The following VWDE variants were observed in gnomAD, a reference collection of about 807,000 sequenced individuals.
The protein encoded by VWDE is von Willebrand factor D and EGF domain-containing protein.
In VWDE, 207 loss-of-function variants were observed where a neutral mutation model predicts 178.4. That is an observed-to-expected ratio of 1.16 (90% CI 1.04 to 1.30). The LOEUF is 1.30. Among genes scored for constraint, VWDE ranks in the 50% most tolerant of loss-of-function variants. VWDE has a pLI of 0.00. For missense variants in VWDE, 2,287 were observed against 1,901.3 expected (o/e 1.20, Z -3.77); for synonymous variants, 738 against 651.4 (o/e 1.13, Z -2.02).
At chr7:12,333,794 C>A (rs1319792255) in intron 27 of VWDE, 1 of 350,348 alleles carries the variant, frequency 2.9e-6, no homozygotes, top group Non-Finnish European at 5.1e-6. Flanking sequence ...TTTTGGAATT[C>A]TATAAAGATA....
At chr7:12,398,687 T>G (rs145499033) in intron 1 of VWDE, among the ~76,000 whole-genome samples, 21 of 152,234 alleles carry the variant, frequency 1.4e-4, no homozygotes, top group African/African-American at 4.8e-4. Context: ...CAGTAATACA[T>G]ATACACCATG....
chr7:12,360,046 C>A (rs952460514), intron 15 of VWDE, among the ~76,000 whole-genome samples: 2 of 151,642 alleles, frequency 1.3e-5, no homozygotes, highest in African/African-American at 4.8e-5. Context: ...TCTTTTTTTT[C>A]CTCCACAATT....
intron 1 of VWDE, among the ~76,000 whole-genome samples, chr7:12,398,365 C>A (rs1376969001): frequency 1.3e-5 from 2 of 152,148 alleles, no homozygotes; most frequent in African/African-American, 4.8e-5. Flanking sequence ...TATCAAGGAA[C>A]TGAAACTTAC....
chr7:12,383,637 G>A, intron 3 of VWDE, 36 bp from the exon 4 acceptor site: 1 of 1,520,602 alleles, frequency 6.6e-7, no homozygotes, highest in South Asian at 1.2e-5. Context: ...TTATTCAGCT[G>A]GGCATGAAGA....
intron 28 of VWDE, among the ~76,000 whole-genome samples, chr7:12,332,755 A>C (rs80002987): frequency 0.019 from 2,835 of 152,264 alleles, 81 homozygotes; most frequent in African/African-American, 0.064. Flanking sequence ...GGAGAAAACT[A>C]TACATATATC....
chr7:12,338,516 C>T (rs1045232857), intron 24 of VWDE, among the ~76,000 whole-genome samples: 3 of 152,000 alleles, frequency 2.0e-5, no homozygotes, highest in African/African-American at 7.2e-5. Context: ...TATAATTAAT[C>T]ATCCACAAAA....
At chr7:12,389,450 T>G (rs1268576419) in intron 2 of VWDE, 92 bp from the exon 3 acceptor site, 1 of 890,452 alleles carries the variant, frequency 1.1e-6, no homozygotes, top group Non-Finnish European at 1.7e-6. Context: ...AATCAAGCCT[T>G]AAAATATCAT....
At chr7:12,331,801 C>G (rs773619437) in intron 28 of VWDE, among the ~76,000 whole-genome samples, 9 of 152,112 alleles carry the variant, frequency 5.9e-5, no homozygotes, top group Non-Finnish European at 1.2e-4. Context: ...AGTGAGTGCA[C>G]TCAGCCACAA....
At chr7:12,396,274 A>G (rs977609552) in intron 1 of VWDE, among the ~76,000 whole-genome samples, 4 of 152,200 alleles carry the variant, frequency 2.6e-5, no homozygotes, top group African/African-American at 9.6e-5. Flanking sequence ...GACCAAGACT[A>G]GAATTCTCCA....
At chr7:12,382,396 CTTAA>C (rs1005182118) in intron 4 of VWDE, among the ~76,000 whole-genome samples, 4 of 150,986 alleles carry the variant, frequency 2.6e-5, no homozygotes, top group Admixed American at 6.6e-5. Flanking sequence ...AATCACAGGG[CTTAA>C]TTAAACTGAC....
intron 3 of VWDE, among the ~76,000 whole-genome samples, chr7:12,384,386 G>A (rs1783997830): frequency 6.6e-6 from 1 of 151,942 alleles, no homozygotes; most frequent in Non-Finnish European, 1.5e-5. Flanking sequence ...CAATTTTTAG[G>A]GTAGTGAAAC....
chr7:12,359,544 T>C (rs906395220), intron 16 of VWDE, 34 bp downstream of exon 16: 37 of 1,388,266 alleles, frequency 2.7e-5, no homozygotes, highest in Non-Finnish European at 3.4e-5. Flanking sequence ...ATGTCTTGTA[T>C]AGGAAATATT....
intron 1 of VWDE, among the ~76,000 whole-genome samples, chr7:12,402,222 T>A (rs748678551): frequency 2.0e-5 from 3 of 152,226 alleles, no homozygotes; most frequent in Non-Finnish European, 4.4e-5. Context: ...TGTTCTAAAA[T>A]TGACTGTGGT....
At position 12,357,424 on chromosome 7, in the gene VWDE, T is replaced by C; in HGVS notation, c.3366A>G (p.Pro1122=). The part of the protein sequence containing the change: ...NFEYQFVAFD[P]EGSDIHFTLD... ...ACGTAAAATGGATGTCAGAACCTTC[T>C]GGATCGAAGGCCACGAACTGATACT... Residue 1122 remains proline (P), a synonymous_variant, in exon 17 of 29, where the codon CCA becomes CCG. Coordinates refer to ENST00000275358, the MANE Select transcript of VWDE (RefSeq NM_001135924.3). 1 of 1,552,010 alleles carries C rather than the reference T, an allele frequency of 6.4e-7. No individual in the cohort carries two copies. Among genetic ancestry groups the C allele is most frequent in the Non-Finnish European group, 8.7e-7 (1 of 1,147,074 alleles).
chr7:12,396,638 T>C (rs1466450447), intron 1 of VWDE, among the ~76,000 whole-genome samples: 1 of 152,088 alleles, frequency 6.6e-6, no homozygotes, highest in Non-Finnish European at 1.5e-5. Flanking sequence ...CCAGATGTGG[T>C]GACTCACGCC....
At chr7:12,399,584 T>C (rs930842408) in intron 1 of VWDE, among the ~76,000 whole-genome samples, 1 of 152,180 alleles carries the variant, frequency 6.6e-6, no homozygotes, top group African/African-American at 2.4e-5. Flanking sequence ...CAGACATCTA[T>C]AAACACTATT....
At chr7:12,391,222 G>C (rs1784375087) in intron 2 of VWDE, among the ~76,000 whole-genome samples, 2 of 152,142 alleles carry the variant, frequency 1.3e-5, no homozygotes, top group South Asian at 4.1e-4. Flanking sequence ...ATGAAGAAAT[G>C]TTGTTCCATT....
chr7:12,350,415 C>G (rs1034648181), intron 19 of VWDE, among the ~76,000 whole-genome samples: 1 of 151,386 alleles, frequency 6.6e-6, no homozygotes, highest in Admixed American at 6.6e-5. Flanking sequence ...GCTGAAAAAG[C>G]GTTTGATAAA....
chr7:12,360,600 T>C (rs62448564), intron 15 of VWDE, among the ~76,000 whole-genome samples: 7,966 of 152,206 alleles, frequency 0.052, 277 homozygotes, highest in Middle Eastern at 0.078. Flanking sequence ...GCAGTTCACA[T>C]GTGAGACAGC....
Sources: allele counts gnomAD v4.1 joint callset (sites outside exome capture counted in the v4.1 genomes callset), GRCh38; gene constraint gnomAD v4.1.1; transcripts MANE v1.5; gene names NCBI Gene and HGNC (gene_info 2026-07-23, HGNC 2026-07-21).